TNNI3K: variants seen among roughly 807,000 people sequenced by gnomAD.
TNNI3K encodes TNNI3 interacting kinase.
Under a neutral mutation model 114.5 loss-of-function variants are expected in TNNI3K, and 140 were observed. The observed-to-expected ratio is 1.22, with a 90% CI of 1.07 to 1.41. The LOEUF (loss-of-function observed/expected upper bound fraction) is 1.41. Ranked by LOEUF, TNNI3K falls within the 40% of genes most tolerant of loss-of-function variation. TNNI3K has a pLI of 0.00. For missense variants in TNNI3K, 1,125 were observed against 1,007.6 expected, an observed-to-expected ratio of 1.12 and a Z score of -1.58; for synonymous variants, 347 against 347.5, an observed-to-expected ratio of 1.00 and a Z score of 0.02.
At chr1:74,405,642 C>T (rs1223042710) in intron 17 of TNNI3K, among the ~76,000 whole-genome samples, 3 of 152,078 alleles carry the variant, frequency 2.0e-5, no homozygotes, top group Middle Eastern at 3.4e-3. Context: ...ACTGGCACAT[C>T]AGGAGGAAAG....
intron 17 of TNNI3K, among the ~76,000 whole-genome samples, chr1:74,407,241 G>T (rs1342502790): frequency 6.6e-6 from 1 of 152,104 alleles, no homozygotes. Context: ...TCTACCAGGG[G>T]CTTCTAAGAT....
At chr1:74,539,515 C>T (rs889756661) in intron 23 of TNNI3K, among the ~76,000 whole-genome samples, 3 of 151,844 alleles carry the variant, frequency 2.0e-5, no homozygotes, top group African/African-American at 7.3e-5. Flanking sequence ...AGGAAGTGAC[C>T]CCATTTACCA....
intron 21 of TNNI3K, among the ~76,000 whole-genome samples, chr1:74,476,670 A>G (rs948425652): frequency 3.3e-5 from 5 of 152,146 alleles, no homozygotes; most frequent in Non-Finnish European, 7.4e-5. Flanking sequence ...TGTGATTAGG[A>G]AGATATGGTG....
At chr1:74,451,678 TTTTCTTTTC>T (rs1180412922) in intron 20 of TNNI3K, among the ~76,000 whole-genome samples, 49 of 45,534 alleles carry the variant, frequency 1.1e-3, no homozygotes, top group African/African-American at 3.0e-3. Flanking sequence ...TTTTCTTTTC[TTTTCTTTTC>T]TTTCTTTCTT....
At chr1:74,303,553 T>C (rs1658454289) in intron 5 of TNNI3K, among the ~76,000 whole-genome samples, 1 of 152,184 alleles carries the variant, frequency 6.6e-6, no homozygotes, top group Admixed American at 6.5e-5. Flanking sequence ...ATTGGCAACA[T>C]ATCTGGTCAC....
At chr1:74,464,097 T>A (rs1198253936) in intron 21 of TNNI3K, among the ~76,000 whole-genome samples, 1 of 152,210 alleles carries the variant, frequency 6.6e-6, no homozygotes. Context: ...GTAAAATAAA[T>A]TTTTAAATAC....
chr1:74,366,318 G>A (rs540887213), intron 11 of TNNI3K, among the ~76,000 whole-genome samples: 4 of 152,084 alleles, frequency 2.6e-5, no homozygotes, highest in African/African-American at 7.2e-5. Flanking sequence ...TATAGTGAAC[G>A]CATTAAAATA....
chr1:74,384,874 A>G (rs1343778784), intron 17 of TNNI3K, among the ~76,000 whole-genome samples: 1 of 152,076 alleles, frequency 6.6e-6, no homozygotes, highest in East Asian at 1.9e-4. Context: ...GAAAACTTTT[A>G]ATTTTTAGCT....
In TNNI3K at chr1:74,297,128, A is replaced by G. The variant is rs553032227; in HGVS notation, c.444+25420A>G. 3.9e-4 allele frequency among the ~76,000 whole-genome samples: 59 copies of G among 152,014 alleles called. No individual in the cohort carries two copies. The South Asian group carries it at 5.4e-3, about 14-fold the overall frequency. On this transcript the variant is annotated intron_variant, in intron 5 of 24. Transcript: ENST00000326637. ...TAGAAATTTTTTACACTAATATAAT[A>G]CCTTCCCTGTGTTTTCTTTTTCTCT...
At chr1:74,295,847 C>T (rs1025236599) in intron 5 of TNNI3K, among the ~76,000 whole-genome samples, 1 of 152,044 alleles carries the variant, frequency 6.6e-6, no homozygotes, top group Admixed American at 6.6e-5. Context: ...TATTTGAATT[C>T]AAGTATATTG....
At chr1:74,340,566 TA>T (rs1660701427) in intron 7 of TNNI3K, among the ~76,000 whole-genome samples, 1 of 152,184 alleles carries the variant, frequency 6.6e-6, no homozygotes, top group Admixed American at 6.6e-5. Context: ...TTGATGGGAA[TA>T]ATGTTTCAGC....
intron 23 of TNNI3K, among the ~76,000 whole-genome samples, chr1:74,511,034 T>C (rs1670187549): frequency 6.6e-6 from 1 of 150,856 alleles, no homozygotes; most frequent in South Asian, 2.1e-4. Flanking sequence ...ATTACAGGCG[T>C]CTGCCACCAT....
intron 5 of TNNI3K, among the ~76,000 whole-genome samples, chr1:74,291,372 T>G (rs1462451062): frequency 6.6e-6 from 1 of 151,644 alleles, no homozygotes; most frequent in Non-Finnish European, 1.5e-5. Flanking sequence ...TATGACATTT[T>G]AACAATTTTT....
rs545995547 is a variant in TNNI3K at position 74,497,261 on chromosome 1, T to C, written c.2351+4995T>C. ...AGGGGACCGTGTCCATTTGCTTCAG[T>C]ATAGCAGATGTTTACCAGATAACAG... On this transcript the variant is annotated intron_variant, in intron 23 of 24. Coordinates refer to ENST00000326637, the MANE Select transcript of TNNI3K (RefSeq NM_015978.3). Among the ~76,000 whole-genome samples the C allele has an allele frequency of 2.6e-5, 4 of 152,170 alleles. No homozygotes were observed. In the South Asian group the frequency reaches 8.3e-4, roughly 32 times the overall value.
At chr1:74,407,601 C>T (rs1262964601) in intron 17 of TNNI3K, among the ~76,000 whole-genome samples, 1 of 152,158 alleles carries the variant, frequency 6.6e-6, no homozygotes, top group African/African-American at 2.4e-5. Flanking sequence ...CAGATTTACA[C>T]TTCTTCTCCA....
chr1:74,385,860 T>A (rs1356523356), intron 17 of TNNI3K, among the ~76,000 whole-genome samples: 1 of 152,184 alleles, frequency 6.6e-6, no homozygotes, highest in African/African-American at 2.4e-5. Flanking sequence ...ATAAATTGGA[T>A]GGCAAAGGAA....
chr1:74,320,800 A>G (rs1659566266), intron 5 of TNNI3K, among the ~76,000 whole-genome samples: 1 of 152,166 alleles, frequency 6.6e-6, no homozygotes, highest in Non-Finnish European at 1.5e-5. Flanking sequence ...TTGATTTTTC[A>G]AGTAGAGGCA....
intron 5 of TNNI3K, among the ~76,000 whole-genome samples, chr1:74,326,894 A>G (rs899013293): frequency 3.9e-5 from 6 of 152,066 alleles, no homozygotes; most frequent in Non-Finnish European, 8.8e-5. Flanking sequence ...CATCCTTGCC[A>G]ACATAGTGAA....
rs988691944 is a variant in TNNI3K at position 74,365,031 on chromosome 1, G to A, written c.1178-2225G>A. On this transcript the variant is annotated intron_variant, in intron 11 of 24. Coordinates refer to ENST00000326637, the MANE Select transcript of TNNI3K (RefSeq NM_015978.3). ...GAATACACTGGTATTTAGAAGATTC[G>A]TCTGAAATTCCAAAAAGGAGTTTCC... 8.5e-5 allele frequency among the ~76,000 whole-genome samples: 13 copies of A among 152,076 alleles called. 1 individual carries two copies. In the South Asian group the frequency reaches 1.7e-3, roughly 19 times the overall value.
Sources: gnomAD v4.1 joint callset for allele counts (sites outside exome capture counted in the v4.1 genomes callset) on GRCh38, gnomAD v4.1.1 for gene constraint, MANE v1.5 for transcripts, NCBI Gene and HGNC (gene_info 2026-07-23, HGNC 2026-07-21) for gene names.